The following PTPRG variants were observed in gnomAD, a reference collection of about 807,000 sequenced individuals.
PTPRG encodes the protein receptor-type tyrosine-protein phosphatase gamma.
In PTPRG, 102 loss-of-function variants were observed where a neutral mutation model predicts 165.3. The ratio of observed to expected loss-of-function variants is 0.62; its 90% CI spans 0.53 to 0.73. The LOEUF (loss-of-function observed/expected upper bound fraction) is 0.73, where lower values mean the gene tolerates loss of function less well. PTPRG is among the 30% of genes least tolerant of loss of function. The pLI is 0.00. For synonymous variants in PTPRG, 675 were observed against 669.5 expected (o/e 1.01, Z -0.13); for missense variants, 1,866 against 1,861.4 (o/e 1.00, Z -0.05).
chr3:61,747,831 G>A (rs996119687), intron 1 of PTPRG, among the ~76,000 whole-genome samples: 1 of 151,810 alleles, frequency 6.6e-6, no homozygotes, highest in African/African-American at 2.4e-5. Context: ...CTTTTGTTTA[G>A]GTGCATTTAA....
chr3:62,267,670 T>C lies in PTPRG; in HGVS notation c.2740-15T>C. ...TAACTGCTTTCATCTCACTTTGTGC[T>C]GTGTCATTTTGAAGGGTTACAACAA... On this transcript the variant is annotated splice_polypyrimidine_tract_variant and intron_variant, in intron 18 of 29. Coordinates refer to ENST00000474889, the MANE Select transcript of PTPRG (RefSeq NM_002841.4). 1 of 1,607,888 alleles carries C rather than the reference T, an allele frequency of 6.2e-7. No homozygotes were observed. The highest frequency in any genetic ancestry group is 8.5e-7 in the Non-Finnish European group (1 of 1,177,808).
intron 2 of PTPRG, among the ~76,000 whole-genome samples, chr3:61,888,472 T>C (rs949915422): frequency 9.2e-5 from 14 of 152,226 alleles, no homozygotes; most frequent in South Asian, 6.2e-4. Context: ...TAGCTGGGAC[T>C]GGCCCCTGCC....
chr3:62,105,565 AG>A (rs1304217562), intron 5 of PTPRG, among the ~76,000 whole-genome samples: 1 of 152,204 alleles, frequency 6.6e-6, no homozygotes, highest in East Asian at 1.9e-4. Context: ...TTACTTGTCT[AG>A]AGAGGCATTT....
At chr3:61,570,557 A>G (rs2106771350) in intron 1 of PTPRG, among the ~76,000 whole-genome samples, 1 of 152,294 alleles carries the variant, frequency 6.6e-6, no homozygotes, top group Admixed American at 6.5e-5. Context: ...AATTCATACT[A>G]GTTACAATAT....
chr3:61,929,330 T>G (rs999989622), intron 2 of PTPRG, among the ~76,000 whole-genome samples: 4 of 148,344 alleles, frequency 2.7e-5, no homozygotes, highest in Non-Finnish European at 4.4e-5. Flanking sequence ...TGAAGAATTA[T>G]GTTTAAATTT....
chr3:61,836,444 A>C (rs2036464135), intron 2 of PTPRG, among the ~76,000 whole-genome samples: 1 of 152,162 alleles, frequency 6.6e-6, no homozygotes, highest in South Asian at 2.1e-4. Flanking sequence ...TCCAAACAAG[A>C]CACTAGCCTT....
chr3:62,069,055 T>A (rs1414047868), intron 4 of PTPRG, among the ~76,000 whole-genome samples: 1 of 152,244 alleles, frequency 6.6e-6, no homozygotes, highest in African/African-American at 2.4e-5. Context: ...CCACACCCTG[T>A]GGCATGACTT....
At chr3:61,974,577 T>C (rs971794255) in intron 2 of PTPRG, among the ~76,000 whole-genome samples, 1 of 152,078 alleles carries the variant, frequency 6.6e-6, no homozygotes, top group Non-Finnish European at 1.5e-5. Context: ...TTTTTAAATA[T>C]GTCCTTTATG....
intron 15 of PTPRG, among the ~76,000 whole-genome samples, chr3:62,253,196 C>T (rs1406843725): frequency 6.6e-6 from 1 of 152,140 alleles, no homozygotes; most frequent in Non-Finnish European, 1.5e-5. Flanking sequence ...CAGAGTAAAA[C>T]AGTTCTAAAG....
At chr3:62,030,868 G>A (rs1023046511) in intron 4 of PTPRG, among the ~76,000 whole-genome samples, 2 of 152,176 alleles carry the variant, frequency 1.3e-5, no homozygotes, top group Non-Finnish European at 2.9e-5. Context: ...AACTTAGACT[G>A]ACCCCCCACT....
chr3:62,277,377 T>G (rs576314254), intron 25 of PTPRG, among the ~76,000 whole-genome samples, 174 bp from the exon 26 acceptor site: 10 of 152,294 alleles, frequency 6.6e-5, no homozygotes, highest in Admixed American at 4.6e-4. Flanking sequence ...GAAAATTGTC[T>G]GCACAGTGCT....
At chr3:61,905,701 G>A (rs2038629469) in intron 2 of PTPRG, among the ~76,000 whole-genome samples, 2 of 152,134 alleles carry the variant, frequency 1.3e-5, no homozygotes, top group Admixed American at 1.3e-4. Flanking sequence ...TCAGATATCT[G>A]CCCAACTTTG....
intron 1 of PTPRG, chr3:61,742,967 A>C: frequency 6.7e-7 from 1 of 1,500,898 alleles, no homozygotes; most frequent in Non-Finnish European, 9.3e-7. Flanking sequence ...CCCGAGAAGC[A>C]CTTGTCCTTC....
chr3:62,156,210 A>G (rs898898753), intron 6 of PTPRG, among the ~76,000 whole-genome samples: 8 of 151,792 alleles, frequency 5.3e-5, no homozygotes, highest in Admixed American at 4.6e-4. Flanking sequence ...CCACCCTTGC[A>G]TTTTCACCTG....
At chr3:62,000,430 G>A (rs558565459) in intron 3 of PTPRG, among the ~76,000 whole-genome samples, 1 of 152,294 alleles carries the variant, frequency 6.6e-6, no homozygotes, top group African/African-American at 2.4e-5. Context: ...GCAGACCTAG[G>A]CAACAGAAGG....
chr3:61,758,347 A>G (rs2033706161), intron 2 of PTPRG, among the ~76,000 whole-genome samples: 1 of 152,234 alleles, frequency 6.6e-6, no homozygotes, highest in Admixed American at 6.5e-5. Context: ...GGATATTGTT[A>G]AACTACTTAC....
At chr3:61,686,862 A>G (rs1703649150) in intron 1 of PTPRG, among the ~76,000 whole-genome samples, 1 of 152,192 alleles carries the variant, frequency 6.6e-6, no homozygotes, top group African/African-American at 2.4e-5. Flanking sequence ...TATGGGACAC[A>G]TACAGGATTA....
intron 2 of PTPRG, among the ~76,000 whole-genome samples, chr3:61,833,145 CCTT>C (rs891483757): frequency 4.6e-5 from 7 of 151,470 alleles, no homozygotes; most frequent in African/African-American, 7.3e-5. Context: ...ACCTCGTTCT[CCTT>C]CTTTTTATTT....
chr3:61,563,613 A>T (rs1575503276), intron 1 of PTPRG, among the ~76,000 whole-genome samples: 1 of 152,160 alleles, frequency 6.6e-6, no homozygotes, highest in Non-Finnish European at 1.5e-5. Context: ...CTGCCCTCTC[A>T]TCCATCAACT....
Sources: allele counts gnomAD v4.1 joint callset (sites outside exome capture counted in the v4.1 genomes callset), GRCh38; gene constraint gnomAD v4.1.1; transcripts MANE v1.5; gene names NCBI Gene and HGNC (gene_info 2026-07-23, HGNC 2026-07-21).